Variants in COL4A4 observed in about 807,000 individuals in gnomAD.
COL4A4 encodes collagen type IV alpha 4 chain, also known as collagen alpha-4(IV) chain.
COL4A4 carries 105 observed loss-of-function variants against 192.9 expected under a neutral mutation model. The ratio of observed to expected loss-of-function variants is 0.54; its 90% CI spans 0.46 to 0.64. The LOEUF is 0.64. COL4A4 is among the 30% of genes least tolerant of loss of function. The pLI is 0.00. For missense variants in COL4A4, 1,967 were observed against 2,169.3 expected (o/e 0.91, Z 1.85); for synonymous variants, 762 against 769.9 (o/e 0.99, Z 0.17).
chr2:226,967,627 C>T, the COL4A4 span, among the ~76,000 whole-genome samples: 6 of 147,428 alleles, frequency 4.1e-5, no homozygotes, highest in African/African-American at 1.5e-4. Context: ...ATCCGTAATT[C>T]TACAACTCGT....
At chr2:226,973,924 G>A in the COL4A4 span, among the ~76,000 whole-genome samples, 6 of 152,226 alleles carry the variant, frequency 3.9e-5, no homozygotes, top group East Asian at 1.9e-4. Flanking sequence ...TCTCCTTTTC[G>A]TTCGCATGGG....
intron 42 of COL4A4, among the ~76,000 whole-genome samples, chr2:227,026,341 CAA>C: frequency 6.6e-6 from 1 of 151,786 alleles, no homozygotes; most frequent in Non-Finnish European, 1.5e-5. Context: ...ACTAAAAATA[CAA>C]AAAAATTAGC....
chr2:227,077,407 C>T (rs545491733), intron 25 of COL4A4, among the ~76,000 whole-genome samples: 46 of 152,170 alleles, frequency 3.0e-4, no homozygotes, highest in African/African-American at 9.9e-4. Flanking sequence ...AACCAAACAC[C>T]GCATGTTCTC....
chr2:227,159,085 T>C (rs2125539221), intron 1 of COL4A4, among the ~76,000 whole-genome samples: 1 of 152,258 alleles, frequency 6.6e-6, no homozygotes, highest in East Asian at 1.9e-4. Context: ...GTAAATGGAC[T>C]TTTTTTCAAA....
rs552220265 is a variant in COL4A4 at position 227,076,288 on chromosome 2, A to G, written c.1987+1606T>C. Among the ~76,000 whole-genome samples the G allele has an allele frequency of 1.5e-4, 23 of 152,344 alleles. No individual in the cohort carries two copies. The South Asian group carries it at 4.4e-3, about 29-fold the overall frequency. On this transcript the variant is annotated intron_variant, in intron 25 of 47. Transcript: ENST00000396625. The stretch of plus-strand genomic sequence containing the variant: ...AACAGCATGGTACTGGTACCAAAGC[A>G]GATATACAGGCCAATGGAACAGAAC...
downstream of COL4A4, among the ~76,000 whole-genome samples, chr2:227,001,944 A>G (rs552369370): frequency 6.6e-6 from 1 of 152,330 alleles, no homozygotes; most frequent in Admixed American, 6.5e-5. Context: ...AGGCTGAGGC[A>G]GGAGGATGAT....
chr2:227,011,297 T>C (rs563605161), intron 45 of COL4A4, among the ~76,000 whole-genome samples: 32 of 152,312 alleles, frequency 2.1e-4, no homozygotes, highest in Admixed American at 1.4e-3. Flanking sequence ...CCATCTACAC[T>C]GTCAACCAGA....
At chr2:227,103,902 G>T in intron 13 of COL4A4, 70 bp downstream of exon 13, 3 of 1,204,064 alleles carry the variant, frequency 2.5e-6, no homozygotes, top group Non-Finnish European at 3.7e-6. Flanking sequence ...ATACTTTGCT[G>T]CCACAGATCC....
intron 27 of COL4A4, 35 bp downstream of exon 27, chr2:227,060,101 G>GAAAAAAAAAAAGAAAAAAAAAA: frequency 2.0e-6 from 1 of 503,760 alleles, no homozygotes. Context: ...TCCCAAAGCA[G>GAAAAAAAAAAAGAAAAAAAAAA]AAAAAAAAAA....
intron 4 of COL4A4, among the ~76,000 whole-genome samples, chr2:227,135,946 T>C (rs1462867374): frequency 1.3e-5 from 2 of 152,072 alleles, no homozygotes; most frequent in Non-Finnish European, 2.9e-5. Flanking sequence ...GCCTGGCCCC[T>C]GAATTTTAGT....
chr2:227,010,288 G>A (rs373969443), intron 46 of COL4A4, 25 bp downstream of exon 46: 88 of 1,613,692 alleles, frequency 5.5e-5, no homozygotes, highest in Non-Finnish European at 7.0e-5. Context: ...TCAGGCAATG[G>A]AGATGGGCGA....
downstream of COL4A4, among the ~76,000 whole-genome samples, chr2:227,002,519 C>CTCT (rs1961241206): frequency 6.6e-6 from 1 of 152,252 alleles, no homozygotes; most frequent in African/African-American, 2.4e-5. Context: ...GCTTTCATTT[C>CTCT]TCTTCTGCGC....
chr2:227,053,175 C>T (rs1974507782), intron 31 of COL4A4, among the ~76,000 whole-genome samples: 1 of 151,860 alleles, frequency 6.6e-6, no homozygotes, highest in Non-Finnish European at 1.5e-5. Flanking sequence ...TGTATAGTAG[C>T]ATAATAGCAC....
intron 41 of COL4A4, 140 bp from the exon 42 acceptor site, chr2:227,028,149 G>A (rs1035400483): frequency 8.8e-6 from 6 of 682,008 alleles, no homozygotes; most frequent in African/African-American, 3.6e-5. Context: ...GATTAGCCTC[G>A]CCTTCTTCTG....
At chr2:227,108,225 T>C (rs2060975372) in intron 12 of COL4A4, among the ~76,000 whole-genome samples, 1 of 152,154 alleles carries the variant, frequency 6.6e-6, no homozygotes, top group Non-Finnish European at 1.5e-5. Context: ...ATATTTGTAT[T>C]TATATGCATA....
intron 12 of COL4A4, among the ~76,000 whole-genome samples, chr2:227,104,752 T>C (rs2060730307): frequency 6.8e-6 from 1 of 147,734 alleles, no homozygotes; most frequent in African/African-American, 2.5e-5. Context: ...GCCATTCTCC[T>C]GCCTCAGCCT....
intron 31 of COL4A4, among the ~76,000 whole-genome samples, chr2:227,053,451 G>A (rs1043883408): frequency 1.3e-5 from 2 of 151,926 alleles, no homozygotes; most frequent in South Asian, 2.1e-4. Context: ...TAAGGAGTAG[G>A]AGTAAATATT....
chr2:227,018,005 AG>A (rs989685735), intron 44 of COL4A4, among the ~76,000 whole-genome samples: 2 of 152,192 alleles, frequency 1.3e-5, no homozygotes, highest in Non-Finnish European at 2.9e-5. Context: ...AAGGGAAAAC[AG>A]GAAGATACCA....
chr2:227,050,023 G>A (rs375565310), intron 34 of COL4A4, 45 bp downstream of exon 34: 17 of 1,553,866 alleles, frequency 1.1e-5, no homozygotes, highest in South Asian at 3.3e-5. Context: ...ATAAACATTC[G>A]GGACTATGCA....
Sources: gnomAD v4.1 joint callset for allele counts (sites outside exome capture counted in the v4.1 genomes callset) on GRCh38, gnomAD v4.1.1 for gene constraint, MANE v1.5 for transcripts, NCBI Gene and HGNC (gene_info 2026-07-23, HGNC 2026-07-21) for gene names.